CELF4: variants seen among roughly 807,000 people sequenced by gnomAD.
The protein encoded by CELF4 is CUG-BP- and ETR-3-like factor 4.
In CELF4, 18 loss-of-function variants were observed where a neutral mutation model predicts 59.9. The observed-to-expected ratio is 0.30, with a 90% CI of 0.21 to 0.45. The LOEUF is 0.45. Ranked by LOEUF, CELF4 falls within the 20% of genes least tolerant of loss-of-function variation. CELF4 has a pLI of 1.00. For synonymous variants in CELF4, 261 were observed against 267.1 expected (o/e 0.98, Z 0.22); for missense variants, 456 against 689.0 (o/e 0.66, Z 3.79).
Position 37,286,791 on chromosome 18 carries a change from C to A in CELF4, c.449-11548G>T, listed in dbSNP as rs558483535. On this transcript the variant is annotated intron_variant, in intron 3 of 12. Transcript: ENST00000420428. ...CCACACCTGAACACTGTGCCGAGAA[C>A]CTCTAGCGACCCTGGGTTGGGAGTG... Among the ~76,000 whole-genome samples, 3 of 152,222 alleles carry A rather than the reference C, an allele frequency of 2.0e-5. No individual in the cohort carries two copies. In the South Asian group the frequency reaches 6.2e-4, roughly 32 times the overall value.
rs1017151428 is a variant in CELF4, at chr18:37,485,401, C to G, written c.369+124G>C. The G allele has an allele frequency of 3.9e-4, 66 of 167,318 alleles. 1 individual carries two copies. Among genetic ancestry groups the G allele is most frequent in the East Asian group, 1.3e-3 (2 of 1,534 alleles). 10.4% of individuals were successfully genotyped at this position (167,318 alleles called of 1,614,324 possible). ...GGATTTGGGGGGGCGCGCGGGCTCC[C>G]GAGCTCAGGCGGGGCGGCGGGCGCC... On this transcript the variant is annotated intron_variant, in intron 2 of 12. Transcript: ENST00000420428.
At chr18:37,561,367 T>G (rs1305927516) in intron 1 of CELF4, among the ~76,000 whole-genome samples, 1 of 152,264 alleles carries the variant, frequency 6.6e-6, no homozygotes, top group Non-Finnish European at 1.5e-5. Context: ...TAGTAAAGGC[T>G]GTTTAAACCT....
chr18:37,499,223 T>TTG (rs142706878), intron 1 of CELF4, among the ~76,000 whole-genome samples: 27 of 152,044 alleles, frequency 1.8e-4, no homozygotes, highest in African/African-American at 6.3e-4. Context: ...TTTGTTTCCC[T>TTG]TGTGTGTGTG....
chr18:37,522,238 T>TTCCTG (rs1405505314), intron 1 of CELF4, among the ~76,000 whole-genome samples: 9 of 152,296 alleles, frequency 5.9e-5, no homozygotes, highest in African/African-American at 2.2e-4. Flanking sequence ...GCAATGCTCC[T>TTCCTG]TCCTGTCCCT....
In CELF4 at chr18:37,559,922, G is replaced by T. The variant is rs112550251; in HGVS notation, c.286+5434C>A. On this transcript the variant is annotated intron_variant, in intron 1 of 12. Transcript: ENST00000420428. ...ACTCAGAACTTCACTACATGAGTGT[G>T]TAGGGGGCATAGTGATGGCAGGCAG... 5.3e-5 allele frequency among the ~76,000 whole-genome samples: 8 copies of T among 152,326 alleles called. 1 individual carries two copies. The highest frequency in any genetic ancestry group is 1.7e-4 in the African/African-American group (7 of 41,570).
At chr18:37,528,016 C>G (rs1280965303) in intron 1 of CELF4, among the ~76,000 whole-genome samples, 1 of 152,172 alleles carries the variant, frequency 6.6e-6, no homozygotes, top group Non-Finnish European at 1.5e-5. Context: ...CTTAAAATCA[C>G]AGACAGTAGA....
intron 2 of CELF4, among the ~76,000 whole-genome samples, chr18:37,431,620 C>T (rs1319766059): frequency 6.6e-6 from 1 of 152,158 alleles, no homozygotes; most frequent in Non-Finnish European, 1.5e-5. Flanking sequence ...CTGCCCGCCT[C>T]GGCCTCCCAA....
At chr18:37,352,993 G>T (rs1173527608) in intron 2 of CELF4, among the ~76,000 whole-genome samples, 5 of 152,074 alleles carry the variant, frequency 3.3e-5, no homozygotes, top group African/African-American at 1.2e-4. Context: ...AGGCCAAGGT[G>T]GGCAGATCAG....
intron 7 of CELF4, 108 bp downstream of exon 7, chr18:37,272,908 A>C: frequency 1.8e-6 from 2 of 1,120,948 alleles, no homozygotes; most frequent in Non-Finnish European, 1.3e-6. Flanking sequence ...CCCAGACACT[A>C]TGTGCTTTTG....
At chr18:37,456,448 C>A (rs539944225) in intron 2 of CELF4, among the ~76,000 whole-genome samples, 3 of 152,244 alleles carry the variant, frequency 2.0e-5, no homozygotes, top group East Asian at 3.9e-4. Flanking sequence ...GGGTTAACAA[C>A]CTGCCTTGTC....
At chr18:37,539,930 G>A (rs1244168105) in intron 1 of CELF4, among the ~76,000 whole-genome samples, 1 of 152,174 alleles carries the variant, frequency 6.6e-6, no homozygotes, top group Admixed American at 6.5e-5. Context: ...GCGCAGGCCT[G>A]GCACATTAGA....
At chr18:37,483,637 G>T (rs1473965660) in intron 2 of CELF4, among the ~76,000 whole-genome samples, 2 of 152,168 alleles carry the variant, frequency 1.3e-5, no homozygotes, top group African/African-American at 4.8e-5. Context: ...ACAGATTATG[G>T]GGAACAGTGT....
chr18:37,272,572 G>GAAA lies in CELF4; in HGVS notation c.949+441_949+443dup, dbSNP rs397692958. On this transcript the variant is annotated intron_variant, in intron 7 of 12. Transcript: ENST00000420428. ...AGTCTAGATTGGGTTAAAGGGAAATGAAAAAAAAAAAAAAAAAAAAAAGAC... is the reference window on the plus strand; with the variant it reads ...AGTCTAGATTGGGTTAAAGGGAAATGAAAAAAAAAAAAAAAAAAAAAAAAAGAC... 1.0e-3 allele frequency among the ~76,000 whole-genome samples: 105 copies of GAAA among 104,882 alleles called. 1 individual carries two copies. The highest frequency in any genetic ancestry group is 2.3e-3 in the African/African-American group (66 of 28,378). 68.8% of individuals were successfully genotyped at this position (104,882 alleles called of 152,430 possible). A position where few individuals can be genotyped will look rare whatever the true frequency, so the allele number is the denominator to read the frequency against.
chr18:37,398,581 G>A (rs2099275105), intron 2 of CELF4, among the ~76,000 whole-genome samples: 1 of 152,116 alleles, frequency 6.6e-6, no homozygotes, highest in Non-Finnish European at 1.5e-5. Context: ...TGAGACATAA[G>A]GCTGCAGCCC....
intron 3 of CELF4, among the ~76,000 whole-genome samples, chr18:37,318,741 C>T (rs1369104024): frequency 6.6e-6 from 1 of 151,356 alleles, no homozygotes; most frequent in Non-Finnish European, 1.5e-5. Context: ...AGGTTAGCAT[C>T]TTGGAGTCAG....
At chr18:37,430,584 C>T (rs1378303333) in intron 2 of CELF4, among the ~76,000 whole-genome samples, 1 of 152,200 alleles carries the variant, frequency 6.6e-6, no homozygotes, top group Admixed American at 6.5e-5. Flanking sequence ...AGCACAGAAA[C>T]GACCAGATAA....
At chr18:37,442,412 A>T (rs966524880) in intron 2 of CELF4, among the ~76,000 whole-genome samples, 22 of 152,238 alleles carry the variant, frequency 1.4e-4, no homozygotes, top group Admixed American at 4.6e-4. Flanking sequence ...CAGAAAAAAA[A>T]TTTTTTTCCC....
At chr18:37,547,155 T>TG (rs1568058969) in intron 1 of CELF4, among the ~76,000 whole-genome samples, 10 of 101,536 alleles carry the variant, frequency 9.8e-5, no homozygotes, top group Admixed American at 1.3e-4. Flanking sequence ...TGTGTGTGTG[T>TG]GTGTGGTGTG....
intron 2 of CELF4, among the ~76,000 whole-genome samples, chr18:37,460,239 T>C (rs1354743748): frequency 1.3e-5 from 2 of 152,164 alleles, no homozygotes; most frequent in Admixed American, 6.5e-5. Context: ...AGTCCAGAGA[T>C]GATCACCCAC....
Sources: gnomAD v4.1 joint callset for allele counts (sites outside exome capture counted in the v4.1 genomes callset) on GRCh38, gnomAD v4.1.1 for gene constraint, MANE v1.5 for transcripts, NCBI Gene and HGNC (gene_info 2026-07-23, HGNC 2026-07-21) for gene names.